The following MCPH1 variants were observed in gnomAD, a reference collection of about 807,000 sequenced individuals.
MCPH1 encodes the protein microcephalin 1.
A neutral mutation model predicts 84.5 loss-of-function variants in MCPH1; 104 were observed. That is an observed-to-expected ratio of 1.23 (90% confidence interval 1.05 to 1.45). The LOEUF (loss-of-function observed/expected upper bound fraction) is 1.45. MCPH1 is among the 40% of genes most tolerant of loss of function. The probability of loss-of-function intolerance (pLI) is 0.00; values close to 1 mark genes in which losing one functional copy is unlikely to be tolerated. For synonymous variants in MCPH1, 514 were observed against 366.8 expected (o/e 1.40, Z -4.58); for missense variants, 1,498 against 1,005.7 (o/e 1.49, Z -6.62).
At chr8:6,628,996 G>A (rs1454226942) in intron 13 of MCPH1, among the ~76,000 whole-genome samples, 4 of 152,194 alleles carry the variant, frequency 2.6e-5, no homozygotes, top group African/African-American at 9.7e-5. Context: ...GTGACCTAAA[G>A]TGACAGAGCT....
chr8:6,526,836 C>T (rs1378923948), intron 12 of MCPH1, among the ~76,000 whole-genome samples: 1 of 152,156 alleles, frequency 6.6e-6, no homozygotes, highest in African/African-American at 2.4e-5. Context: ...TCTTTTGTCC[C>T]AAGTGGAACA....
chr8:6,431,646 T>G, intron 4 of MCPH1, 60 bp downstream of exon 4: 1 of 1,159,290 alleles, frequency 8.6e-7, no homozygotes, highest in South Asian at 1.3e-5. Context: ...TTTTATTTTT[T>G]ATTTCTAGAA....
At chr8:6,447,218 C>T (rs988207299) in intron 8 of MCPH1, 1 of 985,308 alleles carries the variant, frequency 1.0e-6, no homozygotes, top group South Asian at 4.7e-5. Flanking sequence ...CACTGTCAGC[C>T]CCCTGGGACT....
chr8:6,483,856 T>C (rs1809537642), intron 11 of MCPH1, among the ~76,000 whole-genome samples: 1 of 147,484 alleles, frequency 6.8e-6, no homozygotes, highest in Non-Finnish European at 1.5e-5. Context: ...AGACACCCTG[T>C]CAAAGAAAAG....
chr8:6,631,451 ACTC>A (rs763818209), intron 13 of MCPH1, among the ~76,000 whole-genome samples: 2 of 144,472 alleles, frequency 1.4e-5, no homozygotes, highest in African/African-American at 5.3e-5. Context: ...TATATAAAGA[ACTC>A]CTGCAACTCA....
chr8:6,441,033 C>A (rs1377105077), intron 6 of MCPH1, among the ~76,000 whole-genome samples: 1 of 152,150 alleles, frequency 6.6e-6, no homozygotes, highest in East Asian at 1.9e-4. Flanking sequence ...CTTTTGACAG[C>A]CTTACCAGAC....
intron 13 of MCPH1, among the ~76,000 whole-genome samples, chr8:6,641,484 A>G (rs1177758663): frequency 1.3e-5 from 2 of 152,256 alleles, no homozygotes; most frequent in African/African-American, 2.4e-5. Context: ...GGTTATGTCT[A>G]TAATCCCAGC....
chr8:6,415,629 C>T (rs996359737), intron 3 of MCPH1, among the ~76,000 whole-genome samples: 2 of 152,160 alleles, frequency 1.3e-5, no homozygotes, highest in Admixed American at 6.5e-5. Flanking sequence ...GCTAGGATTA[C>T]AGGTGTGAGC....
intron 13 of MCPH1, among the ~76,000 whole-genome samples, chr8:6,623,228 T>C (rs1831661154): frequency 6.6e-6 from 1 of 152,060 alleles, no homozygotes. Context: ...TACTGAGGGT[T>C]AAGACATCGA....
At chr8:6,583,192 T>C (rs961657214) in intron 12 of MCPH1, among the ~76,000 whole-genome samples, 2 of 152,162 alleles carry the variant, frequency 1.3e-5, no homozygotes, top group Non-Finnish European at 2.9e-5. Context: ...TTTTTTTTTC[T>C]CTGCTTTATT....
chr8:6,638,794 G>C (rs1797736640), intron 13 of MCPH1, among the ~76,000 whole-genome samples: 9 of 152,116 alleles, frequency 5.9e-5, no homozygotes, highest in Admixed American at 5.9e-4. Context: ...AATAAACTTG[G>C]ATAGAAATCA....
At position 6,407,586 on chromosome 8, in the gene MCPH1, C is replaced by T. The variant is rs548823503; in HGVS notation, c.22+897C>T. Among the ~76,000 whole-genome samples, 5 of 152,284 alleles carry T rather than the reference C, an allele frequency of 3.3e-5. No homozygotes were observed. The South Asian group carries it at 6.2e-4, about 19-fold the overall frequency. On this transcript the variant is annotated intron_variant, in intron 1 of 13. Coordinates refer to ENST00000344683, the MANE Select transcript of MCPH1 (RefSeq NM_024596.5). The stretch of plus-strand genomic sequence containing the variant: ...GGGCCTGTATTGTGGGGCCTGGAGT[C>T]ATAAAACCTCATAGCCAAAAGTAAA...
intron 12 of MCPH1, among the ~76,000 whole-genome samples, chr8:6,548,998 G>A (rs889959147): frequency 3.3e-5 from 5 of 152,174 alleles, no homozygotes; most frequent in African/African-American, 1.2e-4. Flanking sequence ...TTCCTCAAAA[G>A]TTGGTTCTGG....
intron 13 of MCPH1, among the ~76,000 whole-genome samples, chr8:6,634,172 A>C (rs561199101): frequency 1.3e-5 from 2 of 152,352 alleles, no homozygotes; most frequent in East Asian, 3.9e-4. Context: ...CGTGCCACTC[A>C]GTGGTAGGCT....
intron 8 of MCPH1, among the ~76,000 whole-genome samples, chr8:6,453,256 G>T (rs1805287035): frequency 1.3e-5 from 2 of 152,154 alleles, no homozygotes; most frequent in South Asian, 4.1e-4. Flanking sequence ...ACTGCTTTGG[G>T]TTTACCGATG....
chr8:6,544,774 G>T (rs139071651), intron 12 of MCPH1, among the ~76,000 whole-genome samples: 35 of 152,260 alleles, frequency 2.3e-4, no homozygotes, highest in African/African-American at 7.7e-4. Context: ...TGCCATAAAA[G>T]AGCCTCCCTT....
chr8:6,445,436 A>T lies in MCPH1; in HGVS notation c.1714A>T (p.Asn572Tyr). ...QNKGTTSKIS[N>Y]SSEGEAQSEH... ...CAAAGGTACCACTTCCAAAATATCA[A>T]ACTCCTCTGAAGGCGAAGCCCAGAG... Residue 572 changes from asparagine (N) to tyrosine (Y), a missense_variant, in exon 8 of 14, where the codon AAC becomes TAC. Transcript: ENST00000344683. The T allele has an allele frequency of 6.2e-7, 1 of 1,614,232 alleles. No homozygotes were observed. Among genetic ancestry groups the T allele is most frequent in the Non-Finnish European group, 8.5e-7 (1 of 1,180,056 alleles).
intron 12 of MCPH1, among the ~76,000 whole-genome samples, chr8:6,612,394 G>A (rs574102101): frequency 6.6e-6 from 1 of 152,152 alleles, no homozygotes; most frequent in South Asian, 2.1e-4. Context: ...GTTGTTCTGA[G>A]GCTTTCATCC....
chr8:6,472,287 A>G lies in MCPH1; in HGVS notation c.1936-5307A>G, dbSNP rs558376975. On this transcript the variant is annotated intron_variant, in intron 9 of 13. Coordinates refer to ENST00000344683, the MANE Select transcript of MCPH1 (RefSeq NM_024596.5). The stretch of plus-strand genomic sequence containing the variant: ...ACATAAACACCTATGTATTAATAAC[A>G]TATATTTAACCTAGGGCTGGCTATC... Among the ~76,000 whole-genome samples, 21 of 152,332 alleles carry G rather than the reference A, an allele frequency of 1.4e-4. No individual in the cohort carries two copies. The South Asian group carries it at 4.3e-3, about 32-fold the overall frequency.
Sources: allele counts gnomAD v4.1 joint callset (sites outside exome capture counted in the v4.1 genomes callset), GRCh38; gene constraint gnomAD v4.1.1; transcripts MANE v1.5; gene names NCBI Gene and HGNC (gene_info 2026-07-23, HGNC 2026-07-21).